EPS15: variants seen among roughly 807,000 people sequenced by gnomAD.
The protein encoded by EPS15 is epidermal growth factor receptor pathway substrate 15.
A neutral mutation model predicts 113.8 loss-of-function variants in EPS15; 72 were observed. The observed-to-expected ratio is 0.63, with a 90% CI of 0.52 to 0.77. The LOEUF (loss-of-function observed/expected upper bound fraction) is 0.77. Ranked by LOEUF, EPS15 falls within the 30% of genes least tolerant of loss-of-function variation. The pLI is 0.00. For synonymous variants in EPS15, 344 were observed against 363.4 expected, an observed-to-expected ratio of 0.95 and a Z score of 0.61; for missense variants, 1,048 against 1,045.8, an observed-to-expected ratio of 1.00 and a Z score of -0.03.
chr1:51,510,613 A>G (rs1644602486), intron 1 of EPS15, among the ~76,000 whole-genome samples: 1 of 152,180 alleles, frequency 6.6e-6, no homozygotes, highest in Admixed American at 6.5e-5. Flanking sequence ...AACTAAAAGA[A>G]GACCACACTA....
chr1:51,447,560 G>GAA (rs371953844), intron 9 of EPS15, among the ~76,000 whole-genome samples: 1 of 143,574 alleles, frequency 7.0e-6, no homozygotes, highest in Non-Finnish European at 1.5e-5. Context: ...GCTGGGGGCA[G>GAA]AAAAAAAAAA....
chr1:51,452,693 CCAA>C (rs1302278322), intron 8 of EPS15, among the ~76,000 whole-genome samples: 1 of 152,162 alleles, frequency 6.6e-6, no homozygotes, highest in East Asian at 1.9e-4. Context: ...GGGGTTCAAA[CCAA>C]CATCTTCTGG....
At chr1:51,454,934 GAA>G (rs1016339300) in intron 8 of EPS15, among the ~76,000 whole-genome samples, 2 of 130,428 alleles carry the variant, frequency 1.5e-5, no homozygotes, top group Non-Finnish European at 1.7e-5. Context: ...AGTTCATTAG[GAA>G]AAAAAAAAAA....
intron 1 of EPS15, among the ~76,000 whole-genome samples, chr1:51,504,197 A>G (rs1644459532): frequency 6.6e-6 from 1 of 152,168 alleles, no homozygotes; most frequent in African/African-American, 2.4e-5. Context: ...CATGTTGCCC[A>G]GGAGTTCAAG....
intron 7 of EPS15, among the ~76,000 whole-genome samples, 200 bp from the exon 8 acceptor site, chr1:51,461,350 T>C (rs1654427613): frequency 1.3e-5 from 2 of 151,412 alleles, no homozygotes; most frequent in African/African-American, 4.9e-5. Flanking sequence ...ATCCCATCTC[T>C]ACAAAAGATA....
At chr1:51,385,653 G>A (rs902791708) in intron 21 of EPS15, among the ~76,000 whole-genome samples, 1 of 152,106 alleles carries the variant, frequency 6.6e-6, no homozygotes, top group African/African-American at 2.4e-5. Flanking sequence ...CGGCAACTAA[G>A]TGTCCATTAA....
chr1:51,498,637 G>A (rs1228836542), intron 1 of EPS15, among the ~76,000 whole-genome samples: 1 of 152,096 alleles, frequency 6.6e-6, no homozygotes, highest in Non-Finnish European at 1.5e-5. Context: ...CACTTACTAT[G>A]GGTTTATCAG....
At chr1:51,439,717 TA>T (rs1256496961) in intron 12 of EPS15, among the ~76,000 whole-genome samples, 1 of 152,036 alleles carries the variant, frequency 6.6e-6, no homozygotes, top group African/African-American at 2.4e-5. Context: ...AGATTCAACT[TA>T]GAATAAAGTA....
At chr1:51,411,207 A>G (rs2148434301) in intron 13 of EPS15, among the ~76,000 whole-genome samples, 1 of 152,274 alleles carries the variant, frequency 6.6e-6, no homozygotes. Context: ...TTCTTAACCA[A>G]CTGGTTAGTC....
intron 21 of EPS15, among the ~76,000 whole-genome samples, chr1:51,381,421 C>T (rs953348161): frequency 4.6e-5 from 7 of 151,966 alleles, no homozygotes; most frequent in African/African-American, 1.2e-4. Context: ...GGTGAAACCC[C>T]GTCTCTACTA....
intron 12 of EPS15, among the ~76,000 whole-genome samples, chr1:51,424,966 T>G (rs1405492007): frequency 6.6e-6 from 1 of 152,138 alleles, no homozygotes. Flanking sequence ...CCACTCATCT[T>G]GGATGTCATG....
chr1:51,496,034 T>C (rs181099822), intron 1 of EPS15, among the ~76,000 whole-genome samples: 2 of 152,366 alleles, frequency 1.3e-5, no homozygotes, highest in Admixed American at 6.5e-5. Flanking sequence ...TAAAATCATA[T>C]ACACAGTGTT....
chr1:51,402,169 C>CACATACATACATACATACATACAT (rs537916848), intron 18 of EPS15, among the ~76,000 whole-genome samples: 454 of 150,610 alleles, frequency 3.0e-3, no homozygotes, highest in Non-Finnish European at 4.5e-3. Flanking sequence ...AATAAATACA[C>CACATACATACATACATACATACAT]ACATACATAC....
chr1:51,412,678 A>G (rs1483410006), intron 13 of EPS15, among the ~76,000 whole-genome samples: 2 of 152,232 alleles, frequency 1.3e-5, no homozygotes, highest in Admixed American at 1.3e-4. Flanking sequence ...AGATATGCAC[A>G]TGGCATTGGC....
intron 17 of EPS15, 47 bp from the exon 18 acceptor site, chr1:51,402,572 TA>T: frequency 1.0e-6 from 1 of 990,268 alleles, no homozygotes; most frequent in Non-Finnish European, 1.5e-6. Flanking sequence ...ACCAAAGTTT[TA>T]AAAGGTAACA....
At chr1:51,459,124 G>T (rs989986676) in intron 8 of EPS15, 9 of 152,158 alleles carry the variant, frequency 5.9e-5, no homozygotes, top group African/African-American at 2.2e-4. Context: ...TATTTCATCT[G>T]GCTCTTGTGG....
At chr1:51,399,195 C>CA (rs770787546) in intron 19 of EPS15, 30 bp from the exon 20 acceptor site, 528 of 1,575,640 alleles carry the variant, frequency 3.4e-4, no homozygotes, top group South Asian at 6.1e-4. Flanking sequence ...ATATAAGAGA[C>CA]AAAAAAAAAT....
chr1:51,436,376 G>C (rs1652152559), intron 12 of EPS15, among the ~76,000 whole-genome samples: 1 of 151,378 alleles, frequency 6.6e-6, no homozygotes, highest in African/African-American at 2.5e-5. Context: ...CCAGATAAAA[G>C]ACAAAGGCTA....
At chr1:51,406,377 G>C (rs1376688277) in intron 15 of EPS15, among the ~76,000 whole-genome samples, 1 of 152,166 alleles carries the variant, frequency 6.6e-6, no homozygotes, top group Non-Finnish European at 1.5e-5. Context: ...TCAGAAGGCT[G>C]AGATGGGAGG....
Sources: allele counts gnomAD v4.1 joint callset (sites outside exome capture counted in the v4.1 genomes callset), GRCh38; gene constraint gnomAD v4.1.1; transcripts MANE v1.5; gene names NCBI Gene and HGNC (gene_info 2026-07-23, HGNC 2026-07-21).